JPH2: variants seen among roughly 807,000 people sequenced by gnomAD.
JPH2 encodes the protein junctophilin-2.
Under a neutral mutation model 55.9 loss-of-function variants are expected in JPH2, and 38 were observed. That is an observed-to-expected ratio of 0.68 (90% CI 0.52 to 0.89). The LOEUF (loss-of-function observed/expected upper bound fraction) is 0.89, where lower values mean the gene tolerates loss of function less well. JPH2 is among the 40% of genes least tolerant of loss of function. The pLI is 0.00. For synonymous variants in JPH2, 480 were observed against 472.4 expected, an observed-to-expected ratio of 1.02 and a Z score of -0.21; for missense variants, 964 against 1,037.6, an observed-to-expected ratio of 0.93 and a Z score of 0.97.
chr20:44,143,279 G>A (rs902280583), intron 2 of JPH2, among the ~76,000 whole-genome samples: 6 of 152,086 alleles, frequency 3.9e-5, no homozygotes, highest in African/African-American at 1.4e-4. Context: ...TCTCCTGAAA[G>A]CAACACCCCC....
chr20:44,184,514 G>A (rs1359240816), intron 1 of JPH2, among the ~76,000 whole-genome samples: 3 of 152,114 alleles, frequency 2.0e-5, no homozygotes, highest in Admixed American at 1.3e-4. Context: ...ATTTCTAACT[G>A]GTGGATCAAT....
At chr20:44,157,588 G>A (rs1294393327) in intron 2 of JPH2, among the ~76,000 whole-genome samples, 5 of 152,314 alleles carry the variant, frequency 3.3e-5, no homozygotes, top group African/African-American at 1.2e-4. Flanking sequence ...CACCTGACCT[G>A]CACTGTCGTT....
At chr20:44,185,317 AAAAAGGAAACAC>A (rs1261476938) in intron 1 of JPH2, among the ~76,000 whole-genome samples, 14 of 152,238 alleles carry the variant, frequency 9.2e-5, no homozygotes, top group Admixed American at 3.9e-4. Flanking sequence ...AAAAAATTTA[AAAAAGGAAACAC>A]AAAAGGAATG....
At chr20:44,177,266 C>T (rs966006618) in intron 1 of JPH2, 1 of 985,944 alleles carries the variant, frequency 1.0e-6, no homozygotes, top group Non-Finnish European at 1.2e-6. Flanking sequence ...CGCCCCACAC[C>T]CCACCCTCAA....
At chr20:44,169,523 G>A (rs1569215850) in intron 1 of JPH2, among the ~76,000 whole-genome samples, 2 of 152,228 alleles carry the variant, frequency 1.3e-5, no homozygotes, top group South Asian at 4.1e-4. Flanking sequence ...AAGACACCAA[G>A]GAAAAGCTGG....
rs190403403 is a variant in JPH2 at position 44,119,784 on chromosome 20, G to A, written c.1170-1161C>T. On this transcript the variant is annotated intron_variant, in intron 2 of 5. Transcript: ENST00000372980. ...AGGTACTCGGGAGGCTAAGGCAGGA[G>A]AATGGCATGAACCCAGGAGGCGGAG... Among the ~76,000 whole-genome samples, 4 of 150,960 alleles carry A rather than the reference G, an allele frequency of 2.6e-5. No homozygotes were observed. The East Asian group carries it at 5.9e-4, about 22-fold the overall frequency.
In JPH2 at chr20:44,110,943, G is replaced by C. The variant is rs566066409; in HGVS notation, c.*2575C>G. Among the ~76,000 whole-genome samples the C allele has an allele frequency of 6.6e-6, 1 of 152,188 alleles. No homozygotes were observed. The highest frequency in any genetic ancestry group is 1.5e-5 in the Non-Finnish European group (1 of 68,046). On this transcript the variant is annotated 3_prime_UTR_variant, in exon 6 of 6. Transcript: ENST00000372980. ...CTGAGGACAGGGTGTGCCTGAACTCGAGCCTACTGTTGGTTGAGGGACCTT... is the reference window on the plus strand; with the variant it reads ...CTGAGGACAGGGTGTGCCTGAACTCCAGCCTACTGTTGGTTGAGGGACCTT...
chr20:44,150,746 C>T (rs757021069), intron 2 of JPH2, among the ~76,000 whole-genome samples: 1 of 152,194 alleles, frequency 6.6e-6, no homozygotes, highest in South Asian at 2.1e-4. Flanking sequence ...CAAATACAGG[C>T]CAGGTGTGGT....
At chr20:44,161,663 T>C (rs2072610881) in intron 1 of JPH2, among the ~76,000 whole-genome samples, 1 of 152,000 alleles carries the variant, frequency 6.6e-6, no homozygotes, top group Non-Finnish European at 1.5e-5. Flanking sequence ...TGTGATACTG[T>C]GATTCTACAA....
chr20:44,128,707 TAC>T (rs10608617), intron 2 of JPH2, among the ~76,000 whole-genome samples: 14,492 of 152,074 alleles, frequency 0.095, 780 homozygotes, highest in African/African-American at 0.14. Flanking sequence ...TTTTTAAAGA[TAC>T]AGAGTCTCGC....
At chr20:44,117,264 C>A (rs1245937177) in intron 3 of JPH2, among the ~76,000 whole-genome samples, 1 of 151,804 alleles carries the variant, frequency 6.6e-6, no homozygotes, top group Non-Finnish European at 1.5e-5. Flanking sequence ...GGTGACAGAG[C>A]GAGACTCCGT....
chr20:44,173,491 A>G (rs1344897642), intron 1 of JPH2, among the ~76,000 whole-genome samples: 1 of 152,120 alleles, frequency 6.6e-6, no homozygotes, highest in East Asian at 1.9e-4. Context: ...AAAAAATGCT[A>G]CCTTCCAAAC....
intron 1 of JPH2, among the ~76,000 whole-genome samples, chr20:44,161,838 A>G (rs2072612229): frequency 6.6e-6 from 1 of 152,012 alleles, no homozygotes; most frequent in South Asian, 2.1e-4. Context: ...GTGTTTTTAA[A>G]CTGCCATTTA....
Position 44,116,227 on chromosome 20 carries a change from C to T in JPH2, c.1448G>A (p.Gly483Asp). ...HERETPRPEGGSPSPAGTPPQ... is the reference protein window; with the variant it reads ...HERETPRPEGDSPSPAGTPPQ... Reference sequence around the variant, plus strand: ...GGGCGTCCCGGCCGGTGACGGGGAGCCACCCTCGGGCCGAGGGGTCTCACG... The same window carrying T: ...GGGCGTCCCGGCCGGTGACGGGGAGTCACCCTCGGGCCGAGGGGTCTCACG... The change falls in exon 4 of 6, where the codon GGC (glycine) becomes GAC (aspartate). Residue 483 changes from glycine to aspartate, a missense_variant. Transcript: ENST00000372980. 1 of 1,405,394 alleles carries T rather than the reference C, an allele frequency of 7.1e-7. No homozygotes were observed. Among genetic ancestry groups the T allele is most frequent in the Non-Finnish European group, 9.2e-7 (1 of 1,091,156 alleles). The allele number at this position is 1,405,394 out of a possible 1,614,324, so 87.1% of individuals were successfully genotyped here.
intron 2 of JPH2, among the ~76,000 whole-genome samples, chr20:44,143,108 G>A (rs1569200675): frequency 6.6e-6 from 1 of 152,286 alleles, no homozygotes; most frequent in East Asian, 1.9e-4. Context: ...TGGACAAATG[G>A]AACAGCATGT....
At chr20:44,162,783 T>TAC (rs1218448060) in intron 1 of JPH2, among the ~76,000 whole-genome samples, 129 of 62,008 alleles carry the variant, frequency 2.1e-3, no homozygotes, top group African/African-American at 4.5e-3. Context: ...TATATATATA[T>TAC]ATATACACAC....
chr20:44,177,335 T>C lies in JPH2; in HGVS notation c.379+8992A>G, dbSNP rs945046078. On this transcript the variant is annotated intron_variant, in intron 1 of 5. Transcript: ENST00000372980. Reference sequence around the variant, plus strand: ...TCATGAGGGTGTGGAGGGCAGGGCCTGCTCCGGGGAACAGCTGCTGGGCAC... The same window carrying C: ...TCATGAGGGTGTGGAGGGCAGGGCCCGCTCCGGGGAACAGCTGCTGGGCAC... 15 of 987,040 alleles carry C rather than the reference T, an allele frequency of 1.5e-5. No individual in the cohort carries two copies. The African/African-American group carries it at 2.6e-4, about 17-fold the overall frequency. 61.1% of individuals were successfully genotyped at this position (987,040 alleles called of 1,614,324 possible).
Position 44,124,897 on chromosome 20 carries a change from T to C in JPH2, c.1170-6274A>G, listed in dbSNP as rs8114504. Among the ~76,000 whole-genome samples, 254 of 151,700 alleles carry C rather than the reference T, an allele frequency of 1.7e-3. 1 individual carries two copies. The highest frequency in any genetic ancestry group is 5.8e-3 in the African/African-American group (241 of 41,318). ...CTGAGGCGGGTGGATCACTTGAGAC[T>C]AGGAGATCAAGACCAGCCTGGCCAA... On this transcript the variant is annotated intron_variant, in intron 2 of 5. Transcript: ENST00000372980.
At chr20:44,173,419 A>T (rs939586399) in intron 1 of JPH2, among the ~76,000 whole-genome samples, 3 of 151,972 alleles carry the variant, frequency 2.0e-5, no homozygotes, top group Non-Finnish European at 2.9e-5. Context: ...CTATAATTTC[A>T]TCCCCAATCC....
Sources: allele counts gnomAD v4.1 joint callset (sites outside exome capture counted in the v4.1 genomes callset), GRCh38; gene constraint gnomAD v4.1.1; transcripts MANE v1.5; gene names NCBI Gene and HGNC (gene_info 2026-07-23, HGNC 2026-07-21).